Variants in FAM120A observed in about 807,000 individuals in gnomAD.
FAM120A encodes the protein constitutive coactivator of PPAR-gamma-like protein 1.
In FAM120A, 15 loss-of-function variants were observed where a neutral mutation model predicts 109.7. That is an observed-to-expected ratio of 0.14 (90% CI 0.09 to 0.21). FAM120A has a LOEUF of 0.21. Among genes scored for constraint, FAM120A ranks in the 10% least tolerant of loss-of-function variants. The pLI is 1.00. For synonymous variants in FAM120A, 493 were observed against 572.8 expected (o/e 0.86, Z 1.99); for missense variants, 899 against 1,439.3 (o/e 0.62, Z 6.07).
chr9:93,451,854 C>A lies in FAM120A; in HGVS notation c.-62C>A. ...CCGCCAGCCCGCCCGCGCGCCACGG[C>A]CCCACCACCCCCGGCCCCGCCGCCC... On this transcript the variant is annotated 5_prime_UTR_variant, in exon 1 of 18. Transcript: ENST00000277165. 1 of 980,278 alleles carries A rather than the reference C, an allele frequency of 1.0e-6. No individual in the cohort carries two copies. Among genetic ancestry groups the A allele is most frequent in the Non-Finnish European group, 1.2e-6 (1 of 823,560 alleles). 60.7% of individuals were successfully genotyped at this position (980,278 alleles called of 1,614,324 possible). A position where few individuals can be genotyped will look rare whatever the true frequency, so the allele number is the denominator to read the frequency against.
intron 10 of FAM120A, among the ~76,000 whole-genome samples, chr9:93,533,870 G>A (rs1861423499): frequency 6.6e-6 from 1 of 152,200 alleles, no homozygotes; most frequent in Admixed American, 6.5e-5. Flanking sequence ...ATTTGCTTGT[G>A]TGTTCTAAAA....
chr9:93,474,091 T>C (rs899319335), intron 2 of FAM120A, among the ~76,000 whole-genome samples: 1 of 132,078 alleles, frequency 7.6e-6, no homozygotes, highest in African/African-American at 2.9e-5. Context: ...AATGAAAAAA[T>C]CAATTGCAAT....
intron 3 of FAM120A, among the ~76,000 whole-genome samples, chr9:93,480,655 G>A (rs56941232): frequency 6.6e-6 from 1 of 151,906 alleles, no homozygotes; most frequent in Admixed American, 6.5e-5. Context: ...CAATGGGGAA[G>A]GCATTCCAGG....
At chr9:93,508,881 A>G (rs1453880634) in intron 5 of FAM120A, among the ~76,000 whole-genome samples, 3 of 152,230 alleles carry the variant, frequency 2.0e-5, no homozygotes, top group Admixed American at 2.0e-4. Flanking sequence ...CTCCAATAAC[A>G]TACCCCCCAG....
At chr9:93,562,758 G>A (rs1358135601) in intron 17 of FAM120A, among the ~76,000 whole-genome samples, 2 of 147,500 alleles carry the variant, frequency 1.4e-5, no homozygotes, top group Non-Finnish European at 3.0e-5. Flanking sequence ...TCCACTTCCC[G>A]GGTTCAAGCG....
chr9:93,550,519 T>C lies in FAM120A; in HGVS notation c.2160-58T>C, dbSNP rs899044934. ...TACCTAGAACCTCCCACTGGACTTG[T>C]CTATATGACGGGCGACCACTCAGTA... On this transcript the variant is annotated intron_variant, in intron 11 of 17. Transcript: ENST00000277165. 14 of 1,312,246 alleles carry C rather than the reference T, an allele frequency of 1.1e-5. No individual in the cohort carries two copies. In the Admixed American group the frequency reaches 2.2e-4, roughly 20 times the overall value. 81.3% of individuals were successfully genotyped at this position (1,312,246 alleles called of 1,614,324 possible).
chr9:93,550,708 A>G lies in FAM120A; in HGVS notation c.2274+17A>G, dbSNP rs374964563. 1.3e-6 allele frequency: 2 copies of G among 1,592,844 alleles called. No homozygotes were observed. The highest frequency in any genetic ancestry group is 1.7e-6 in the Non-Finnish European group (2 of 1,161,714). On this transcript the variant is annotated intron_variant, in intron 12 of 17. Transcript: ENST00000277165. ...GAGCTCAAGGTAATTTATCAGCCTC[A>G]TTGCATTGTCTTGGACAGTCTCACT...
At chr9:93,470,833 G>A (rs1858276710) in intron 1 of FAM120A, among the ~76,000 whole-genome samples, 1 of 151,932 alleles carries the variant, frequency 6.6e-6, no homozygotes, top group African/African-American at 2.4e-5. Context: ...TACTGTCATG[G>A]GGTCAGCTGG....
rs1281749370 is a variant in FAM120A at position 93,565,249 on chromosome 9, A to C, written c.*709A>C. On this transcript the variant is annotated 3_prime_UTR_variant, in exon 18 of 18. Coordinates refer to ENST00000277165, the MANE Select transcript of FAM120A (RefSeq NM_014612.5). The stretch of plus-strand genomic sequence containing the variant: ...CAAAATCAACACAATGTGTTCTGAA[A>C]CTTTCGTGACTAATACCATGCATCT... 1 of 152,660 alleles carries C rather than the reference A, an allele frequency of 6.6e-6. No homozygotes were observed. The highest frequency in any genetic ancestry group is 1.5e-5 in the Non-Finnish European group (1 of 68,042). 9.5% of individuals were successfully genotyped at this position (152,660 alleles called of 1,614,324 possible). A position where few individuals can be genotyped will look rare whatever the true frequency, so the allele number is the denominator to read the frequency against.
chr9:93,554,249 C>T (rs1287551764), intron 12 of FAM120A, among the ~76,000 whole-genome samples: 3 of 149,968 alleles, frequency 2.0e-5, no homozygotes, highest in South Asian at 2.1e-4. Flanking sequence ...GCTTGTGTGC[C>T]GTATACATCT....
chr9:93,530,908 C>G (rs905357610), intron 9 of FAM120A: 1 of 152,172 alleles, frequency 6.6e-6, no homozygotes, highest in African/African-American at 2.4e-5. Flanking sequence ...GGATCTGATG[C>G]GTGGATAGTC....
At position 93,566,036 on chromosome 9, in the gene FAM120A, T is replaced by TTGTGG. The variant is rs1320721432; in HGVS notation, c.*1505_*1509dup. On this transcript the variant is annotated 3_prime_UTR_variant, in exon 18 of 18. Coordinates refer to ENST00000277165, the MANE Select transcript of FAM120A (RefSeq NM_014612.5). ...TTGGGTTTGATTGACTGTCGATGGA[T>TTGTGG]TGTGGTGTGGTGTATCTGAAGGCTA... is the stretch of plus-strand genomic sequence containing the variant. 1.3e-5 allele frequency: 2 copies of TTGTGG among 152,614 alleles called. No individual in the cohort carries two copies. Among genetic ancestry groups the TTGTGG allele is most frequent in the Non-Finnish European group, 2.9e-5 (2 of 68,034 alleles). 9.5% of individuals were successfully genotyped at this position (152,614 alleles called of 1,614,324 possible). A position where few individuals can be genotyped will look rare whatever the true frequency, so the allele number is the denominator to read the frequency against.
At chr9:93,461,172 TG>T (rs1265244309) in intron 1 of FAM120A, among the ~76,000 whole-genome samples, 2 of 152,234 alleles carry the variant, frequency 1.3e-5, no homozygotes. Flanking sequence ...CAGTTGTCTC[TG>T]GAATCAATTA....
At chr9:93,542,944 G>A (rs1037505962) in intron 10 of FAM120A, among the ~76,000 whole-genome samples, 9 of 152,146 alleles carry the variant, frequency 5.9e-5, no homozygotes, top group Admixed American at 2.0e-4. Flanking sequence ...CTTGATTTAT[G>A]CATACTAGTT....
At chr9:93,536,804 C>T (rs1388380047) in intron 10 of FAM120A, among the ~76,000 whole-genome samples, 2 of 152,196 alleles carry the variant, frequency 1.3e-5, no homozygotes, top group African/African-American at 4.8e-5. Flanking sequence ...TTGAAAGTCA[C>T]GTTGTATTCT....
In FAM120A at chr9:93,527,169, A is replaced by G. The variant is rs923570961; in HGVS notation, c.1433A>G (p.Asn478Ser). 32 of 1,614,108 alleles carry G rather than the reference A, an allele frequency of 2.0e-5. No individual in the cohort carries two copies. Among genetic ancestry groups the G allele is most frequent in the Non-Finnish European group, 2.7e-5 (32 of 1,179,942 alleles). The stretch of plus-strand genomic sequence containing the variant: ...TTTATGTTTAGCCATATCAGCGGGA[A>G]CAAGATTGGCTGGGAGAAGACGGGA... ...SGGATNHISG[N>S]KIGWEKTGSH... The change falls in exon 8 of 18, where the codon AAC becomes AGC. Residue 478 changes from asparagine (N) to serine (S), a missense_variant. By Grantham distance (46) the Asn-to-Ser change is conservative. This residue lies in a region of FAM120A where 57 missense variants were observed against 52.9 expected (regional missense o/e 1.08). Transcript: ENST00000277165.
Position 93,550,628 on chromosome 9 carries a change from T to C in FAM120A, c.2211T>C (p.Asp737=). ...GARILRRQEL[D]AFLAQALSPK... The stretch of plus-strand genomic sequence containing the variant: ...GCATCCTTCGGCGTCAGGAGCTAGA[T>C]GCCTTCCTGGCTCAGGCGCTGTCCC... Residue 737 remains aspartate (D), a synonymous_variant, in exon 12 of 18, where the codon GAT becomes GAC. Coordinates refer to ENST00000277165, the MANE Select transcript of FAM120A (RefSeq NM_014612.5). 6.2e-7 allele frequency: 1 copy of C among 1,614,058 alleles called. No individual in the cohort carries two copies. The highest frequency in any genetic ancestry group is 8.5e-7 in the Non-Finnish European group (1 of 1,180,032).
At chr9:93,533,602 A>G (rs1285779371) in intron 10 of FAM120A, among the ~76,000 whole-genome samples, 1 of 152,140 alleles carries the variant, frequency 6.6e-6, no homozygotes, top group Non-Finnish European at 1.5e-5. Flanking sequence ...TGTGTGATCC[A>G]TTTGCTCTCA....
chr9:93,555,199 T>G (rs1321171440), intron 12 of FAM120A, among the ~76,000 whole-genome samples: 1 of 152,166 alleles, frequency 6.6e-6, no homozygotes, highest in African/African-American at 2.4e-5. Flanking sequence ...TTAGTTCACT[T>G]CCCAACAACT....
Sources: allele counts gnomAD v4.1 joint callset (sites outside exome capture counted in the v4.1 genomes callset), GRCh38; gene constraint gnomAD v4.1.1; regional missense constraint gnomAD v4.1.1; transcripts MANE v1.5; gene names NCBI Gene and HGNC (gene_info 2026-07-23, HGNC 2026-07-21).